The following NTN1 variants were observed in gnomAD, a reference collection of about 807,000 sequenced individuals.
The protein encoded by NTN1 is netrin-1.
Under a neutral mutation model 54.2 loss-of-function variants are expected in NTN1, and 11 were observed. The ratio of observed to expected loss-of-function variants is 0.20; its 90% CI spans 0.13 to 0.34. The LOEUF is 0.34. NTN1 is among the 10% of genes least tolerant of loss of function. The pLI, the probability that NTN1 is intolerant of heterozygous loss-of-function variation, is 1.00. For synonymous variants in NTN1, 371 were observed against 382.0 expected (o/e 0.97, Z 0.33); for missense variants, 740 against 893.1 (o/e 0.83, Z 2.18).
At chr17:9,233,784 G>T (rs1905892047) in intron 6 of NTN1, among the ~76,000 whole-genome samples, 1 of 152,012 alleles carries the variant, frequency 6.6e-6, no homozygotes, top group Non-Finnish European at 1.5e-5. Context: ...TCACTCTGGT[G>T]CCTTTCACTG....
At chr17:9,028,959 G>A (rs1294357496) in intron 2 of NTN1, among the ~76,000 whole-genome samples, 1 of 151,926 alleles carries the variant, frequency 6.6e-6, no homozygotes, top group Non-Finnish European at 1.5e-5. Context: ...CTTTCAGAAG[G>A]TGTTAATCAT....
intron 3 of NTN1, among the ~76,000 whole-genome samples, chr17:9,169,431 G>C (rs1168301557): frequency 6.6e-6 from 1 of 152,194 alleles, no homozygotes; most frequent in Admixed American, 6.5e-5. Flanking sequence ...CCCATGTGGC[G>C]CACTGTGCCA....
intron 2 of NTN1, among the ~76,000 whole-genome samples, chr17:9,111,651 G>C (rs1442661952): frequency 6.6e-6 from 1 of 152,126 alleles, no homozygotes; most frequent in Non-Finnish European, 1.5e-5. Context: ...TGACAGGAAG[G>C]CTTACTGATA....
At chr17:9,062,284 G>C (rs1002513012) in intron 2 of NTN1, among the ~76,000 whole-genome samples, 2 of 152,198 alleles carry the variant, frequency 1.3e-5, no homozygotes, top group Non-Finnish European at 2.9e-5. Context: ...TTTCTGGGCT[G>C]GAGAAGCCAT....
chr17:9,114,035 G>T (rs887134256), intron 2 of NTN1, among the ~76,000 whole-genome samples: 1 of 150,480 alleles, frequency 6.6e-6, no homozygotes, highest in African/African-American at 2.4e-5. Context: ...GGTGGTGTGT[G>T]CCTGTAATCC....
At chr17:9,058,436 G>A (rs767709646) in intron 2 of NTN1, among the ~76,000 whole-genome samples, 15 of 152,038 alleles carry the variant, frequency 9.9e-5, no homozygotes, top group Admixed American at 3.9e-4. Context: ...ATTGAATGCC[G>A]TGTAGGGAAT....
intron 5 of NTN1, among the ~76,000 whole-genome samples, chr17:9,218,792 C>CA (rs1333270749): frequency 6.6e-6 from 1 of 152,142 alleles, no homozygotes; most frequent in Non-Finnish European, 1.5e-5. Context: ...CCCTCTGCCA[C>CA]AGCCTATGCT....
At chr17:9,043,822 C>T (rs2091931510) in intron 2 of NTN1, among the ~76,000 whole-genome samples, 1 of 152,080 alleles carries the variant, frequency 6.6e-6, no homozygotes, top group Admixed American at 6.6e-5. Context: ...TCAGGTGATC[C>T]ACCCGCCTCG....
At chr17:9,088,775 TG>T (rs1353316934) in intron 2 of NTN1, among the ~76,000 whole-genome samples, 1 of 152,216 alleles carries the variant, frequency 6.6e-6, no homozygotes, top group Non-Finnish European at 1.5e-5. Context: ...GAAGCATGCA[TG>T]GAGGACCTCA....
intron 3 of NTN1, among the ~76,000 whole-genome samples, chr17:9,179,578 G>A (rs2092411889): frequency 1.3e-5 from 2 of 152,210 alleles, no homozygotes; most frequent in South Asian, 2.1e-4. Flanking sequence ...TGCTGCCAAA[G>A]CAGTCTCTTC....
upstream of NTN1, among the ~76,000 whole-genome samples, chr17:9,019,583 T>C (rs1303295246): frequency 1.3e-5 from 2 of 152,348 alleles, no homozygotes; most frequent in Admixed American, 1.3e-4. Flanking sequence ...AGCTATAATA[T>C]TCAAATGTGT....
intron 2 of NTN1, among the ~76,000 whole-genome samples, chr17:9,131,277 T>A: frequency 6.6e-6 from 1 of 152,230 alleles, no homozygotes; most frequent in Non-Finnish European, 1.5e-5. Context: ...GCCTGATTTT[T>A]CTTCATGACA....
In NTN1 at chr17:9,171,020, C is replaced by A. The variant is rs191411764; in HGVS notation, c.1207+8019C>A. 2.0e-5 allele frequency: 3 copies of A among 152,324 alleles called. No homozygotes were observed. In the East Asian group the frequency reaches 5.8e-4, roughly 29 times the overall value. The allele number at this position is 152,324 out of a possible 1,614,324, so 9.4% of individuals were successfully genotyped here. A position where few individuals can be genotyped will look rare whatever the true frequency, so the allele number is the denominator to read the frequency against. Reference sequence around the variant, plus strand: ...TTGGGATTACGGGGCTCCCCTCCCCCCAACTTCCTGCCGCCTGCACCTTGA... The same window carrying A: ...TTGGGATTACGGGGCTCCCCTCCCCACAACTTCCTGCCGCCTGCACCTTGA... On this transcript the variant is annotated intron_variant, in intron 3 of 6. Coordinates refer to ENST00000173229, the MANE Select transcript of NTN1 (RefSeq NM_004822.3).
At chr17:9,045,318 C>A (rs926415820) in intron 2 of NTN1, among the ~76,000 whole-genome samples, 3 of 152,152 alleles carry the variant, frequency 2.0e-5, no homozygotes, top group African/African-American at 7.2e-5. Flanking sequence ...ATGGTGAGGC[C>A]ACAGCGACTC....
chr17:9,200,552 A>C (rs1830571421), intron 5 of NTN1, among the ~76,000 whole-genome samples: 1 of 152,222 alleles, frequency 6.6e-6, no homozygotes, highest in African/African-American at 2.4e-5. Flanking sequence ...CCTTGACCTC[A>C]TCTGGGCTAC....
chr17:9,113,938 G>A (rs1040089576), intron 2 of NTN1, among the ~76,000 whole-genome samples: 18 of 151,294 alleles, frequency 1.2e-4, no homozygotes, highest in East Asian at 3.9e-4. Context: ...CGAGGTGGGC[G>A]GATCACTTGA....
intron 5 of NTN1, among the ~76,000 whole-genome samples, chr17:9,206,197 C>G (rs1166583828): frequency 6.6e-6 from 1 of 152,224 alleles, no homozygotes; most frequent in Non-Finnish European, 1.5e-5. Context: ...GCTGGTTCAG[C>G]CAGCTGAGGT....
intron 4 of NTN1, among the ~76,000 whole-genome samples, chr17:9,181,937 G>A (rs1307463220): frequency 6.6e-6 from 1 of 152,186 alleles, no homozygotes; most frequent in African/African-American, 2.4e-5. Context: ...ACAGGGTGGG[G>A]TCTGGGAAGT....
chr17:9,015,445 A>G, the NTN1 span, among the ~76,000 whole-genome samples: 1 of 152,118 alleles, frequency 6.6e-6, no homozygotes, highest in African/African-American at 2.4e-5. Context: ...TTAAAAAATT[A>G]AAAGGAAAAC....
Sources: allele counts gnomAD v4.1 joint callset (sites outside exome capture counted in the v4.1 genomes callset), GRCh38; gene constraint gnomAD v4.1.1; transcripts MANE v1.5; gene names NCBI Gene and HGNC (gene_info 2026-07-23, HGNC 2026-07-21).